Variants in PARN observed in about 807,000 individuals in gnomAD.
PARN encodes poly(A)-specific ribonuclease.
Under a neutral mutation model 102.8 loss-of-function variants are expected in PARN, and 71 were observed. The observed-to-expected ratio is 0.69, with a 90% CI of 0.57 to 0.84. PARN has a LOEUF of 0.84. Ranked by LOEUF, PARN falls within the 40% of genes least tolerant of loss-of-function variation. The pLI, the probability that PARN is intolerant of heterozygous loss-of-function variation, is 0.00. For synonymous variants in PARN, 261 were observed against 252.9 expected, an observed-to-expected ratio of 1.03 and a Z score of -0.30; for missense variants, 782 against 760.9, an observed-to-expected ratio of 1.03 and a Z score of -0.33.
At chr16:14,448,878 A>G (rs2151559096) in intron 22 of PARN, among the ~76,000 whole-genome samples, 1 of 152,284 alleles carries the variant, frequency 6.6e-6, no homozygotes, top group South Asian at 2.1e-4. Context: ...TAATTGAGGG[A>G]CTATAAGGGA....
intron 18 of PARN, among the ~76,000 whole-genome samples, chr16:14,572,892 TC>T (rs1220581830): frequency 6.6e-6 from 1 of 151,958 alleles, no homozygotes; most frequent in Admixed American, 6.6e-5. Flanking sequence ...TTGTATTTTT[TC>T]TTTTTTTTTT....
chr16:14,437,835 C>T (rs1960770046), intron 23 of PARN, among the ~76,000 whole-genome samples: 1 of 152,164 alleles, frequency 6.6e-6, no homozygotes, highest in Non-Finnish European at 1.5e-5. Flanking sequence ...GGAATCATAT[C>T]ACTGAGTTCA....
chr16:14,503,686 C>T (rs4277366), intron 21 of PARN, among the ~76,000 whole-genome samples: 3 of 152,194 alleles, frequency 2.0e-5, no homozygotes, highest in East Asian at 3.8e-4. Context: ...TTGAGAAGCA[C>T]GGTCACCTGC....
intron 21 of PARN, among the ~76,000 whole-genome samples, chr16:14,533,105 G>A (rs945445073): frequency 3.3e-5 from 5 of 152,086 alleles, no homozygotes; most frequent in Non-Finnish European, 7.4e-5. Context: ...CTGCACTCCA[G>A]CCTGGGCACC....
intron 21 of PARN, among the ~76,000 whole-genome samples, chr16:14,551,819 G>T (rs1342475702): frequency 6.6e-6 from 1 of 152,128 alleles, no homozygotes; most frequent in East Asian, 1.9e-4. Flanking sequence ...CATACCTAAT[G>T]AATCAAAAGA....
In PARN at chr16:14,549,724, C is replaced by T. The variant is rs1430637489; in HGVS notation, c.1480+2297G>A. On this transcript the variant is annotated intron_variant, in intron 21 of 23. Transcript: ENST00000437198. ...ACAGATTTCAAAGCACTCTTACACACTGTTCACAGCAAGGGAGGCCAAGCA... is the reference window on the plus strand; with the variant it reads ...ACAGATTTCAAAGCACTCTTACACATTGTTCACAGCAAGGGAGGCCAAGCA... 3.9e-5 allele frequency among the ~76,000 whole-genome samples: 6 copies of T among 152,348 alleles called. No homozygotes were observed. The East Asian group carries it at 1.2e-3, about 29-fold the overall frequency.
chr16:14,617,575 T>C lies in PARN; in HGVS notation c.388+15A>G, dbSNP rs754991423. The C allele has an allele frequency of 3.9e-6, 5 of 1,279,910 alleles. No homozygotes were observed. Among genetic ancestry groups the C allele is most frequent in the Admixed American group, 1.7e-5 (1 of 59,550 alleles). The allele number at this position is 1,279,910 out of a possible 1,614,324, so 79.3% of individuals were successfully genotyped here. On this transcript the variant is annotated intron_variant, in intron 6 of 23. Coordinates refer to ENST00000437198, the MANE Select transcript of PARN (RefSeq NM_002582.4). ...AGGTTTATAAGCTCTAAAGATAGGT[T>C]ACCCATAATCTTACCATTTCGAAAA...
At chr16:14,547,110 A>G (rs1967000508) in intron 21 of PARN, among the ~76,000 whole-genome samples, 1 of 152,030 alleles carries the variant, frequency 6.6e-6, no homozygotes, top group Admixed American at 6.6e-5. Flanking sequence ...AAAAAAAGAA[A>G]AAAAAAGATT....
intron 18 of PARN, among the ~76,000 whole-genome samples, chr16:14,557,158 G>A (rs973565530): frequency 6.6e-6 from 1 of 152,030 alleles, no homozygotes; most frequent in African/African-American, 2.4e-5. Context: ...TGCATTTCTG[G>A]TAGAGACAAC....
intron 22 of PARN, among the ~76,000 whole-genome samples, chr16:14,449,006 C>T (rs930614516): frequency 2.6e-5 from 4 of 152,028 alleles, no homozygotes; most frequent in African/African-American, 4.8e-5. Flanking sequence ...AGAAAAAGTT[C>T]GGCTGATTTC....
intron 20 of PARN, among the ~76,000 whole-genome samples, chr16:14,553,216 G>A (rs1470374199): frequency 2.8e-5 from 4 of 140,900 alleles, no homozygotes; most frequent in Non-Finnish European, 4.5e-5. Context: ...CCAGGAGTTC[G>A]AGGCCAGCCT....
At chr16:14,471,644 A>T (rs1007605297) in intron 22 of PARN, among the ~76,000 whole-genome samples, 3 of 152,182 alleles carry the variant, frequency 2.0e-5, no homozygotes, top group Admixed American at 6.5e-5. Flanking sequence ...GAATCACATT[A>T]AACAACTCCC....
chr16:14,576,513 GTGCTTTCTGT>G (rs1190465907), intron 18 of PARN, among the ~76,000 whole-genome samples: 16 of 152,218 alleles, frequency 1.1e-4, no homozygotes, highest in African/African-American at 3.9e-4. Flanking sequence ...GTCTGATTTT[GTGCTTTCTGT>G]TGTACAATAA....
At position 14,564,633 on chromosome 16, in the gene PARN, C is replaced by G. The variant is rs555353417; in HGVS notation, c.1263-8924G>C. On this transcript the variant is annotated intron_variant, in intron 18 of 23. Transcript: ENST00000437198. ...TTTAGTTTGCATAATGACACACACA[C>G]AGGCCTGGATGATCTAGACAGACTT... Among the ~76,000 whole-genome samples the G allele has an allele frequency of 2.0e-5, 3 of 152,306 alleles. No individual in the cohort carries two copies. The South Asian group carries it at 6.2e-4, about 32-fold the overall frequency.
chr16:14,479,607 G>C lies in PARN; in HGVS notation c.1670+3031C>G, dbSNP rs1214581954. On this transcript the variant is annotated intron_variant, in intron 22 of 23. Transcript: ENST00000437198. Reference sequence around the variant, plus strand: ...CAATGTTAGAGGGTATATGCTTTCTGGTTTTAAGACACTATAAACCAACAG... The same window carrying C: ...CAATGTTAGAGGGTATATGCTTTCTCGTTTTAAGACACTATAAACCAACAG... Among the ~76,000 whole-genome samples, 3 of 152,006 alleles carry C rather than the reference G, an allele frequency of 2.0e-5. No homozygotes were observed. In the East Asian group the frequency reaches 5.8e-4, roughly 29 times the overall value.
chr16:14,557,057 T>C (rs1967735248), intron 18 of PARN, among the ~76,000 whole-genome samples: 1 of 152,196 alleles, frequency 6.6e-6, no homozygotes, highest in African/African-American at 2.4e-5. Flanking sequence ...CATTCAATTT[T>C]CTTTTATTTG....
At chr16:14,564,381 G>T (rs549071524) in intron 18 of PARN, among the ~76,000 whole-genome samples, 1 of 152,302 alleles carries the variant, frequency 6.6e-6, no homozygotes, top group South Asian at 2.1e-4. Flanking sequence ...AAGAGCTTTG[G>T]GTAGAGCGAA....
chr16:14,591,327 G>A (rs1438445017), intron 13 of PARN, among the ~76,000 whole-genome samples: 1 of 151,728 alleles, frequency 6.6e-6, no homozygotes, highest in Admixed American at 6.6e-5. Context: ...GGAGGCGGAG[G>A]TTGCAGTGAG....
chr16:14,592,679 T>C (rs951127540), intron 13 of PARN, among the ~76,000 whole-genome samples: 17 of 152,132 alleles, frequency 1.1e-4, no homozygotes, highest in African/African-American at 3.6e-4. Flanking sequence ...CCACTTACCT[T>C]CAATGGCCCT....
Sources: allele counts gnomAD v4.1 joint callset (sites outside exome capture counted in the v4.1 genomes callset), GRCh38; gene constraint gnomAD v4.1.1; transcripts MANE v1.5; gene names NCBI Gene and HGNC (gene_info 2026-07-23, HGNC 2026-07-21).